ADAMTSL1: variants seen among roughly 807,000 people sequenced by gnomAD.
ADAMTSL1 encodes the protein ADAMTS like 1, also known as ADAMTS-like protein 1.
In ADAMTSL1, 126 loss-of-function variants were observed where a neutral mutation model predicts 201.8. That is an observed-to-expected ratio of 0.62 (90% CI 0.54 to 0.72). The LOEUF (loss-of-function observed/expected upper bound fraction) is 0.72. Ranked by LOEUF, ADAMTSL1 falls within the 30% of genes least tolerant of loss-of-function variation. ADAMTSL1 has a pLI of 0.00. For synonymous variants in ADAMTSL1, 1,121 were observed against 903.4 expected (o/e 1.24, Z -4.32); for missense variants, 2,679 against 2,277.8 (o/e 1.18, Z -3.59).
At chr9:18,692,309 C>T (rs776917126) in intron 13 of ADAMTSL1, among the ~76,000 whole-genome samples, 19 of 152,146 alleles carry the variant, frequency 1.2e-4, no homozygotes, top group Admixed American at 2.0e-4. Flanking sequence ...GATCTCCATG[C>T]GCAGAAACAG....
chr9:18,110,167 C>T (rs1824942270), intron 1 of ADAMTSL1, among the ~76,000 whole-genome samples: 1 of 152,154 alleles, frequency 6.6e-6, no homozygotes, highest in Non-Finnish European at 1.5e-5. Flanking sequence ...CTCTTGGGTG[C>T]CTGAGGGCTC....
rs892039221 is a variant in ADAMTSL1 at position 18,644,957 on chromosome 9, C to T, written c.834+5546C>T. 5.1e-4 allele frequency among the ~76,000 whole-genome samples: 77 copies of T among 151,902 alleles called. 1 individual carries two copies. Among genetic ancestry groups the T allele is most frequent in the African/African-American group, 1.7e-3 (70 of 41,296 alleles). On this transcript the variant is annotated intron_variant, in intron 7 of 28. Transcript: ENST00000380548. The stretch of plus-strand genomic sequence containing the variant: ...TTCTAGTTCTAGATCCCTGAGGAAT[C>T]GCCACACTGACTTCCACAATGGTTG...
intron 2 of ADAMTSL1, among the ~76,000 whole-genome samples, chr9:18,220,771 T>G (rs1440439840): frequency 6.6e-6 from 1 of 152,050 alleles, no homozygotes; most frequent in Non-Finnish European, 1.5e-5. Flanking sequence ...TTTTAAATTG[T>G]TACTCCTAAT....
At chr9:18,849,717 G>A (rs1386184618) in intron 23 of ADAMTSL1, among the ~76,000 whole-genome samples, 1 of 152,208 alleles carries the variant, frequency 6.6e-6, no homozygotes, top group Non-Finnish European at 1.5e-5. Context: ...TATACTGGAA[G>A]GCCGAGGTTT....
intron 7 of ADAMTSL1, among the ~76,000 whole-genome samples, chr9:18,647,891 T>C (rs550246414): frequency 6.6e-6 from 1 of 150,976 alleles, no homozygotes; most frequent in East Asian, 1.9e-4. Flanking sequence ...GTTCTGTAGA[T>C]GTCTATTAGG....
intron 13 of ADAMTSL1, among the ~76,000 whole-genome samples, chr9:18,700,334 G>A (rs945660193): frequency 2.0e-5 from 3 of 151,952 alleles, no homozygotes; most frequent in Non-Finnish European, 4.4e-5. Flanking sequence ...TCATTGAGAG[G>A]CATTAAATAA....
intron 2 of ADAMTSL1, among the ~76,000 whole-genome samples, chr9:18,304,345 A>C (rs1338919084): frequency 6.6e-6 from 1 of 152,166 alleles, no homozygotes; most frequent in Non-Finnish European, 1.5e-5. Context: ...GTTTTGAAAA[A>C]AAAAATACTT....
intron 1 of ADAMTSL1, among the ~76,000 whole-genome samples, chr9:17,914,099 A>T (rs886495503): frequency 6.6e-5 from 10 of 152,180 alleles, no homozygotes; most frequent in African/African-American, 2.4e-4. Flanking sequence ...GGTACAAGGA[A>T]GAACTGGTAC....
At chr9:18,890,125 G>A (rs1203920352) in intron 25 of ADAMTSL1, among the ~76,000 whole-genome samples, 1 of 152,180 alleles carries the variant, frequency 6.6e-6, no homozygotes, top group Non-Finnish European at 1.5e-5. Context: ...AAGGGCTGAG[G>A]AAACAACGAT....
chr9:18,827,795 G>T (rs1179290796), intron 22 of ADAMTSL1, among the ~76,000 whole-genome samples: 2 of 152,198 alleles, frequency 1.3e-5, no homozygotes, highest in Non-Finnish European at 2.9e-5. Flanking sequence ...TGAACACGGT[G>T]TTCGAAGAGC....
At chr9:18,203,462 AG>A (rs1829530105) in intron 2 of ADAMTSL1, among the ~76,000 whole-genome samples, 1 of 151,716 alleles carries the variant, frequency 6.6e-6, no homozygotes, top group African/African-American at 2.4e-5. Flanking sequence ...TGACTAGTAT[AG>A]AAAGGCAGGC....
At chr9:18,319,111 T>C (rs1834522985) in intron 2 of ADAMTSL1, among the ~76,000 whole-genome samples, 1 of 152,222 alleles carries the variant, frequency 6.6e-6, no homozygotes, top group South Asian at 2.1e-4. Context: ...CAGCTACTCC[T>C]GAGGCAGGAG....
rs990617429 is a variant in ADAMTSL1 at position 18,876,333 on chromosome 9, T to C, written c.4250-11498T>C. ...GTGTGTGTGTGTGTGTGTGTGTGCG[T>C]GATTGTTTTATAGGTTCTGTGAGAT... On this transcript the variant is annotated intron_variant, in intron 23 of 28. Coordinates refer to ENST00000380548, the MANE Select transcript of ADAMTSL1 (RefSeq NM_001040272.6). 2.3e-4 allele frequency among the ~76,000 whole-genome samples: 35 copies of C among 151,592 alleles called. No individual in the cohort carries two copies. In the East Asian group the frequency reaches 6.6e-3, roughly 29 times the overall value.
intron 1 of ADAMTSL1, among the ~76,000 whole-genome samples, chr9:18,141,356 C>G (rs1826390589): frequency 2.0e-5 from 3 of 152,154 alleles, no homozygotes; most frequent in Admixed American, 2.0e-4. Context: ...GAAAGAGGCT[C>G]TAAGAAAACA....
At chr9:18,738,201 A>G (rs1818627514) in intron 15 of ADAMTSL1, among the ~76,000 whole-genome samples, 1 of 152,162 alleles carries the variant, frequency 6.6e-6, no homozygotes, top group Admixed American at 6.5e-5. Context: ...CTAGGATAAG[A>G]AAGGATTTTC....
At chr9:17,952,942 CCTCCTCCTCCTCCTT>C (rs1827787055) in intron 1 of ADAMTSL1, among the ~76,000 whole-genome samples, 2 of 90,200 alleles carry the variant, frequency 2.2e-5, no homozygotes, top group Non-Finnish European at 5.0e-5. Flanking sequence ...TCCTCCTCCT[CCTCCTCCTCCTCCTT>C]CTTCAGAATG....
intron 22 of ADAMTSL1, among the ~76,000 whole-genome samples, chr9:18,827,386 G>C (rs144302222): frequency 2.3e-4 from 35 of 152,018 alleles, no homozygotes; most frequent in African/African-American, 8.2e-4. Flanking sequence ...TTTTCACACC[G>C]AGAGTTGAAG....
At chr9:17,969,393 G>C (rs1818113060) in intron 1 of ADAMTSL1, among the ~76,000 whole-genome samples, 1 of 152,042 alleles carries the variant, frequency 6.6e-6, no homozygotes, top group Non-Finnish European at 1.5e-5. Flanking sequence ...AGGAAGCTGA[G>C]ATACAGGAGG....
intron 2 of ADAMTSL1, among the ~76,000 whole-genome samples, chr9:18,286,274 C>T (rs1486000169): frequency 2.6e-5 from 4 of 152,094 alleles, no homozygotes; most frequent in African/African-American, 9.7e-5. Flanking sequence ...AGTCTAAGCA[C>T]ATTTAAACTT....
Sources: gnomAD v4.1 joint callset for allele counts (sites outside exome capture counted in the v4.1 genomes callset) on GRCh38, gnomAD v4.1.1 for gene constraint, MANE v1.5 for transcripts, NCBI Gene and HGNC (gene_info 2026-07-23, HGNC 2026-07-21) for gene names.